PTCHD4: variants seen among roughly 807,000 people sequenced by gnomAD.
PTCHD4 encodes the protein patched domain-containing protein 4.
In PTCHD4, 33 loss-of-function variants were observed where a neutral mutation model predicts 58.1. That is an observed-to-expected ratio of 0.57 (90% CI 0.43 to 0.76). PTCHD4 has a LOEUF of 0.76. PTCHD4 is among the 30% of genes least tolerant of loss of function. PTCHD4 has a pLI of 0.00. For missense variants in PTCHD4, 1,058 were observed against 1,027.1 expected (o/e 1.03, Z -0.41); for synonymous variants, 478 against 409.6 (o/e 1.17, Z -2.02).
intron 3 of PTCHD4, among the ~76,000 whole-genome samples, chr6:48,034,142 C>T (rs1198435858): frequency 6.6e-6 from 1 of 152,014 alleles, no homozygotes; most frequent in Non-Finnish European, 1.5e-5. Context: ...TGTAGAAAAT[C>T]CTGGGCCCCT....
intron 4 of PTCHD4, among the ~76,000 whole-genome samples, chr6:47,913,101 C>A (rs1477737390): frequency 6.6e-6 from 1 of 152,036 alleles, no homozygotes; most frequent in Non-Finnish European, 1.5e-5. Flanking sequence ...CTGTTTGGAT[C>A]CTGGGTCCAG....
chr6:47,979,832 T>C (rs994149416), intron 4 of PTCHD4, among the ~76,000 whole-genome samples: 7 of 152,080 alleles, frequency 4.6e-5, no homozygotes, highest in African/African-American at 1.4e-4. Context: ...TAAGTTCATA[T>C]TTCCTGCAAG....
chr6:48,028,625 G>T (rs1763333070), intron 3 of PTCHD4, among the ~76,000 whole-genome samples: 1 of 151,880 alleles, frequency 6.6e-6, no homozygotes, highest in Non-Finnish European at 1.5e-5. Context: ...AGAAATTAAA[G>T]GGCTTTCTTT....
Position 47,882,024 on chromosome 6 carries a change from A to G in PTCHD4, c.899-2088T>C, listed in dbSNP as rs138993333. Among the ~76,000 whole-genome samples, 62 of 152,270 alleles carry G rather than the reference A, an allele frequency of 4.1e-4. No individual in the cohort carries two copies. The East Asian group carries it at 0.01, about 26-fold the overall frequency. Reference sequence around the variant, plus strand: ...ATTACATTTAGTCTAATGATTCTTAACAATGTTAATTGTTCATTCCTATCT... The same window carrying G: ...ATTACATTTAGTCTAATGATTCTTAGCAATGTTAATTGTTCATTCCTATCT... On this transcript the variant is annotated intron_variant, in intron 4 of 4. Transcript: ENST00000339488.
At chr6:48,073,685 A>C (rs1242259505) in intron 1 of PTCHD4, among the ~76,000 whole-genome samples, 2 of 152,198 alleles carry the variant, frequency 1.3e-5, no homozygotes, top group East Asian at 3.9e-4. Context: ...TGATGACTTC[A>C]AAGTCCTTCC....
chr6:47,899,676 A>G, intron 4 of PTCHD4: 1 of 519,342 alleles, frequency 1.9e-6, no homozygotes, highest in Middle Eastern at 9.6e-4. Context: ...GTACAATTTA[A>G]AAGTTTCTAG....
intron 1 of PTCHD4, among the ~76,000 whole-genome samples, chr6:48,079,595 G>A (rs967020566): frequency 6.6e-6 from 1 of 151,294 alleles, no homozygotes; most frequent in Non-Finnish European, 1.5e-5. Flanking sequence ...TTTGTAGGGA[G>A]GGTTTGGCAC....
intron 4 of PTCHD4, among the ~76,000 whole-genome samples, chr6:47,957,455 C>T (rs756104131): frequency 2.0e-4 from 30 of 150,760 alleles, no homozygotes; most frequent in Admixed American, 3.3e-4. Flanking sequence ...TCAGACCAAT[C>T]GACATATGGT....
At chr6:48,022,336 T>C (rs950593530) in intron 3 of PTCHD4, among the ~76,000 whole-genome samples, 3 of 151,854 alleles carry the variant, frequency 2.0e-5, no homozygotes, top group Non-Finnish European at 2.9e-5. Context: ...AGTAAAATAC[T>C]AGATAAAGAA....
chr6:47,946,939 G>A (rs2113936878), intron 4 of PTCHD4, among the ~76,000 whole-genome samples: 1 of 152,156 alleles, frequency 6.6e-6, no homozygotes, highest in Non-Finnish European at 1.5e-5. Context: ...GACCTCCTGG[G>A]TTCAAGAAAT....
Position 47,879,066 on chromosome 6 carries a change from A to G in PTCHD4, c.1769T>C (p.Ile590Thr). Residue 590 changes from isoleucine (I) to threonine (T), a missense_variant, in exon 5 of 5, where the codon ATC (isoleucine) becomes ACC (threonine). Physicochemically the swap from Ile to Thr is moderately conservative, Grantham distance 89. Coordinates refer to ENST00000339488, the MANE Select transcript of PTCHD4 (RefSeq NM_001384253.1). ...GCTTTCATCCCCTGCCTTGGAGAAG[A>G]TGATATCATTTCGAAAATGCTGGAA... is the stretch of plus-strand genomic sequence containing the variant. ...PEFQHFRNDIIFSKAGDESNI... is the reference protein window; with the variant it reads ...PEFQHFRNDITFSKAGDESNI... The G allele has an allele frequency of 6.2e-7, 1 of 1,613,486 alleles. No homozygotes were observed. The highest frequency in any genetic ancestry group is 1.7e-4 in the Middle Eastern group (1 of 6,056).
rs113340198 is a variant in PTCHD4, at chr6:47,875,219, G to T, written c.*3084C>A. On this transcript the variant is annotated 3_prime_UTR_variant, in exon 5 of 5. Coordinates refer to ENST00000339488, the MANE Select transcript of PTCHD4 (RefSeq NM_001384253.1). ...TTGGTCATCTGCTGACAACAGATAAGTTCCTAATTTGAATGGCATTAGTAC... is the reference window on the plus strand; with the variant it reads ...TTGGTCATCTGCTGACAACAGATAATTTCCTAATTTGAATGGCATTAGTAC... 9.6e-4 allele frequency among the ~76,000 whole-genome samples: 146 copies of T among 151,930 alleles called. No individual in the cohort carries two copies. Among genetic ancestry groups the T allele is most frequent in the African/African-American group, 3.3e-3 (139 of 41,514 alleles).
At chr6:47,971,417 G>T (rs1767506189) in intron 4 of PTCHD4, among the ~76,000 whole-genome samples, 1 of 152,074 alleles carries the variant, frequency 6.6e-6, no homozygotes. Flanking sequence ...CCCAGCAGAA[G>T]AATGAAAAAA....
intron 1 of PTCHD4, among the ~76,000 whole-genome samples, chr6:48,096,765 C>T (rs1054708478): frequency 6.6e-6 from 1 of 152,012 alleles, no homozygotes; most frequent in Admixed American, 6.6e-5. Flanking sequence ...AGAATTTAAA[C>T]GTAAGGGAAC....
rs1381438343 is a variant in PTCHD4, at chr6:47,877,357, A to T, written c.*946T>A. Among the ~76,000 whole-genome samples, 2 of 152,094 alleles carry T rather than the reference A, an allele frequency of 1.3e-5. No individual in the cohort carries two copies. Among genetic ancestry groups the T allele is most frequent in the Non-Finnish European group, 2.9e-5 (2 of 67,982 alleles). ...TAATCTGTGTAAAGCGCTCATTTGC[A>T]ATTGGGTGAGCTCACTGAAAGCAGC... On this transcript the variant is annotated 3_prime_UTR_variant, in exon 5 of 5. Coordinates refer to ENST00000339488, the MANE Select transcript of PTCHD4 (RefSeq NM_001384253.1).
chr6:47,990,549 A>C (rs954663216), intron 4 of PTCHD4, among the ~76,000 whole-genome samples: 3 of 152,132 alleles, frequency 2.0e-5, no homozygotes, highest in African/African-American at 7.2e-5. Flanking sequence ...TGGTTTTATC[A>C]GGGGTTTCTG....
At chr6:47,937,769 G>T (rs999413996) in intron 4 of PTCHD4, among the ~76,000 whole-genome samples, 8 of 152,184 alleles carry the variant, frequency 5.3e-5, no homozygotes, top group Non-Finnish European at 1.2e-4. Context: ...CTGAAAGAGG[G>T]TTGGAAGAAG....
chr6:48,057,025 A>C (rs959460303), intron 3 of PTCHD4, among the ~76,000 whole-genome samples: 4 of 152,072 alleles, frequency 2.6e-5, no homozygotes, highest in African/African-American at 9.7e-5. Flanking sequence ...TTTAAATTTA[A>C]CTGGGTGTCC....
At chr6:47,887,066 C>A (rs1764216878) in intron 4 of PTCHD4, among the ~76,000 whole-genome samples, 3 of 151,954 alleles carry the variant, frequency 2.0e-5, no homozygotes, top group Admixed American at 1.3e-4. Flanking sequence ...ATGGTAAATG[C>A]TCAATAAATG....
Sources: allele counts gnomAD v4.1 joint callset (sites outside exome capture counted in the v4.1 genomes callset), GRCh38; gene constraint gnomAD v4.1.1; transcripts MANE v1.5; gene names NCBI Gene and HGNC (gene_info 2026-07-23, HGNC 2026-07-21).